NRP1: variants seen among roughly 807,000 people sequenced by gnomAD.
The protein encoded by NRP1 is neuropilin 1, also known as neuropilin-1.
Under a neutral mutation model 106.7 loss-of-function variants are expected in NRP1, and 35 were observed. The observed-to-expected ratio is 0.33, with a 90% confidence interval of 0.25 to 0.43. The LOEUF is 0.43. Among genes scored for constraint, NRP1 ranks in the 20% least tolerant of loss-of-function variants. The probability of loss-of-function intolerance (pLI) is 1.00; values close to 1 mark genes in which losing one functional copy is unlikely to be tolerated. For missense variants in NRP1, 1,024 were observed against 1,170.4 expected (o/e 0.87, Z 1.83); for synonymous variants, 437 against 417.9 (o/e 1.05, Z -0.56).
At chr10:33,297,366 G>T (rs557700593) in intron 2 of NRP1, among the ~76,000 whole-genome samples, 1 of 152,180 alleles carries the variant, frequency 6.6e-6, no homozygotes, top group Non-Finnish European at 1.5e-5. Flanking sequence ...TCTGAAAATT[G>T]TATTTCCTAC....
intron 6 of NRP1, among the ~76,000 whole-genome samples, chr10:33,228,264 C>T (rs1432120891): frequency 4.6e-5 from 7 of 152,096 alleles, no homozygotes; most frequent in African/African-American, 7.2e-5. Flanking sequence ...CCCAACTACT[C>T]GGGAGGCTGA....
Position 33,254,130 on chromosome 10 carries a change from A to G in NRP1, c.879T>C (p.Ala293=), listed in dbSNP as rs1192973222. ...ACCAGTTGGTGCTATACTGGGAAGAAGCTGTGATCTGGTCAGAATGAATTT... is the reference window on the plus strand; with the variant it reads ...ACCAGTTGGTGCTATACTGGGAAGAGGCTGTGATCTGGTCAGAATGAATTT... The part of the protein sequence containing the change: ...SGEIHSDQIT[A]SSQYSTNWSA... Residue 293 remains alanine, a synonymous_variant, in exon 6 of 17, where the codon GCT becomes GCC. Transcript: ENST00000374867. 5.6e-6 allele frequency: 9 copies of G among 1,614,050 alleles called. No homozygotes were observed. Among genetic ancestry groups the G allele is most frequent in the Non-Finnish European group, 6.8e-6 (8 of 1,179,986 alleles).
At chr10:33,263,529 T>C in intron 4 of NRP1, 117 bp downstream of exon 4, 3 of 696,484 alleles carry the variant, frequency 4.3e-6, no homozygotes, top group South Asian at 3.8e-5. Context: ...TTGCTTTGTT[T>C]TCCAGTGTCC....
chr10:33,291,125 G>C (rs1271530435), intron 2 of NRP1, among the ~76,000 whole-genome samples: 1 of 152,118 alleles, frequency 6.6e-6, no homozygotes, highest in Admixed American at 6.5e-5. Flanking sequence ...CCTTTATTCA[G>C]GGCTTTTAAA....
chr10:33,301,541 T>G (rs1014166600), intron 2 of NRP1, among the ~76,000 whole-genome samples: 2 of 152,116 alleles, frequency 1.3e-5, no homozygotes, highest in Non-Finnish European at 2.9e-5. Flanking sequence ...AGGAGTACAA[T>G]GATAAAACAT....
Position 33,256,362 on chromosome 10 carries a change from T to G in NRP1, c.768A>C (p.Glu256Asp). ...VFYTDSAIAK[E>D]GFSANYSVLQ... ...AGACACTGTAGTTTGCTGAGAAACC[T>G]TCTTTTGCTATCGCGCTGTCGGTGT... is the stretch of plus-strand genomic sequence containing the variant. Residue 256 changes from glutamate (E) to aspartate (D), a missense_variant, in exon 5 of 17, where the codon GAA (glutamate) becomes GAC (aspartate). Physicochemically the swap from Glu to Asp is conservative, Grantham distance 45 (BLOSUM62 2). Coordinates refer to ENST00000374867, the MANE Select transcript of NRP1 (RefSeq NM_003873.7). 6.2e-7 allele frequency: 1 copy of G among 1,614,200 alleles called. No homozygotes were observed. The highest frequency in any genetic ancestry group is 8.5e-7 in the Non-Finnish European group (1 of 1,180,028).
chr10:33,203,722 CTTTTTTTTTT>C lies in NRP1; in HGVS notation c.1760-737_1760-728del, dbSNP rs34343692. 5.5e-3 allele frequency among the ~76,000 whole-genome samples: 372 copies of C among 68,126 alleles called. 8 individuals carry two copies. The highest frequency in any genetic ancestry group is 0.025 in the African/African-American group (351 of 14,212). The allele number at this position is 68,126 out of a possible 152,430, so 44.7% of individuals were successfully genotyped here. On this transcript the variant is annotated intron_variant, in intron 10 of 16. Transcript: ENST00000374867. ...GGTATCCAATATTAATCAAAGACTG[CTTTTTTTTTT>C]TTTTTTTTTTTTTTTTTTTGAGACG...
rs1222190393 is a variant in NRP1 at position 33,198,586 on chromosome 10, G to A, written c.1865-877C>T. On this transcript the variant is annotated intron_variant, in intron 11 of 16. Transcript: ENST00000374867. ...ACAATTGCAACAGTGAAAAGCAAAG[G>A]CCTCTGAAAAAGCAAAGCCACCTTC... Among the ~76,000 whole-genome samples the A allele has an allele frequency of 3.9e-5, 6 of 152,020 alleles. No homozygotes were observed. The East Asian group carries it at 9.7e-4, about 25-fold the overall frequency.
intron 13 of NRP1, among the ~76,000 whole-genome samples, chr10:33,188,602 C>T (rs545399729): frequency 8.0e-4 from 122 of 152,106 alleles, no homozygotes; most frequent in Admixed American, 4.1e-3. Context: ...TGTGGCCGGG[C>T]GCGGTGGTCC....
chr10:33,221,936 T>C (rs772994493), intron 7 of NRP1, 73 bp from the exon 8 acceptor site: 18 of 1,492,302 alleles, frequency 1.2e-5, no homozygotes, highest in Non-Finnish European at 1.7e-5. Flanking sequence ...TTTTCACAAA[T>C]GGTTGTAAAA....
chr10:33,309,132 T>C (rs576041537), intron 2 of NRP1, among the ~76,000 whole-genome samples: 1 of 152,336 alleles, frequency 6.6e-6, no homozygotes, highest in South Asian at 2.1e-4. Flanking sequence ...GATGGCAGTT[T>C]TGGGGCACTT....
chr10:33,300,417 C>T (rs920045848), intron 2 of NRP1, among the ~76,000 whole-genome samples: 1 of 152,220 alleles, frequency 6.6e-6, no homozygotes, highest in African/African-American at 2.4e-5. Context: ...CCACTTTGGA[C>T]AGCGGCCAGG....
chr10:33,272,147 C>T (rs1843349577), intron 2 of NRP1, among the ~76,000 whole-genome samples: 1 of 152,162 alleles, frequency 6.6e-6, no homozygotes, highest in Admixed American at 6.5e-5. Flanking sequence ...CTTATGTTTA[C>T]ATAAAGTCTC....
intron 6 of NRP1, among the ~76,000 whole-genome samples, chr10:33,228,674 A>G (rs893238267): frequency 4.6e-5 from 7 of 152,212 alleles, no homozygotes; most frequent in Admixed American, 6.5e-5. Context: ...GCCAATTTGA[A>G]GTTACAGAAA....
At chr10:33,249,588 A>G in intron 6 of NRP1, 1 of 481,460 alleles carries the variant, frequency 2.1e-6, no homozygotes, top group Non-Finnish European at 4.2e-6. Context: ...GGAAAAAGGT[A>G]AAATTAATAA....
At chr10:33,323,230 A>G (rs1303680682) in intron 2 of NRP1, among the ~76,000 whole-genome samples, 1 of 102,622 alleles carries the variant, frequency 9.7e-6, no homozygotes, top group Non-Finnish European at 2.4e-5. Flanking sequence ...TAAATAAATA[A>G]ATATGTTTTT....
At chr10:33,292,804 A>G (rs571850325) in intron 2 of NRP1, among the ~76,000 whole-genome samples, 2 of 152,198 alleles carry the variant, frequency 1.3e-5, no homozygotes, top group Non-Finnish European at 2.9e-5. Flanking sequence ...CCTGGCCAAC[A>G]TGGTGAAACC....
chr10:33,194,918 C>T lies in NRP1; in HGVS notation c.1925-2500G>A, dbSNP rs1176429992. 4 of 372,858 alleles carry T rather than the reference C, an allele frequency of 1.1e-5. No homozygotes were observed. The East Asian group carries it at 2.9e-4, about 27-fold the overall frequency. 23.1% of individuals were successfully genotyped at this position (372,858 alleles called of 1,614,324 possible). On this transcript the variant is annotated intron_variant, in intron 12 of 16. Transcript: ENST00000374867. ...TAATGAATGAAACAAACATATAGGA[C>T]TACTGACGTTTACGTTTTCAAAATA...
intron 7 of NRP1, 113 bp from the exon 8 acceptor site, chr10:33,221,976 AG>A: frequency 8.6e-7 from 1 of 1,159,064 alleles, no homozygotes; most frequent in Non-Finnish European, 1.3e-6. Flanking sequence ...TTGTCGATCA[AG>A]GATGAGATGG....
Sources: allele counts gnomAD v4.1 joint callset (sites outside exome capture counted in the v4.1 genomes callset), GRCh38; gene constraint gnomAD v4.1.1; transcripts MANE v1.5; gene names NCBI Gene and HGNC (gene_info 2026-07-23, HGNC 2026-07-21).